Variants in RAVER2 observed in about 807,000 individuals in gnomAD.
RAVER2 encodes the protein ribonucleoprotein PTB-binding 2.
RAVER2 carries 46 observed loss-of-function variants against 78.1 expected under a neutral mutation model. The ratio of observed to expected loss-of-function variants is 0.59; its 90% CI spans 0.46 to 0.75. RAVER2 has a LOEUF of 0.75. Ranked by LOEUF, RAVER2 falls within the 30% of genes least tolerant of loss-of-function variation. RAVER2 has a pLI of 0.00. For missense variants in RAVER2, 793 were observed against 837.5 expected (o/e 0.95, Z 0.66); for synonymous variants, 311 against 313.3 (o/e 0.99, Z 0.08).
chr1:64,829,557 G>A (rs576414148), intron 11 of RAVER2, among the ~76,000 whole-genome samples: 2 of 152,304 alleles, frequency 1.3e-5, no homozygotes, highest in East Asian at 1.9e-4. Flanking sequence ...CCTAAGAGGT[G>A]AGCAAGCTGT....
In RAVER2 at chr1:64,747,960, A is replaced by G. The variant is rs1557578510; in HGVS notation, c.249+2539A>G. Among the ~76,000 whole-genome samples, 5 of 152,234 alleles carry G rather than the reference A, an allele frequency of 3.3e-5. No homozygotes were observed. The South Asian group carries it at 1.0e-3, about 31-fold the overall frequency. Reference sequence around the variant, plus strand: ...AATTTTTTCTTAACATTTGAAATATATGAGTGTTTTCTTTATTAAATGTAG... The same window carrying G: ...AATTTTTTCTTAACATTTGAAATATGTGAGTGTTTTCTTTATTAAATGTAG... On this transcript the variant is annotated intron_variant, in intron 1 of 11. Transcript: ENST00000294428.
chr1:64,776,282 A>G (rs1253290349), intron 2 of RAVER2, among the ~76,000 whole-genome samples: 1 of 152,242 alleles, frequency 6.6e-6, no homozygotes, highest in Non-Finnish European at 1.5e-5. Flanking sequence ...TAGCCTTTTA[A>G]TAAGGGCAGT....
At chr1:64,830,504 C>A (rs1255470061) in intron 11 of RAVER2, among the ~76,000 whole-genome samples, 2 of 152,140 alleles carry the variant, frequency 1.3e-5, no homozygotes, top group African/African-American at 4.8e-5. Flanking sequence ...TACTGACATT[C>A]GGTGTTGATA....
At chr1:64,803,443 T>TA (rs1427893844) in intron 6 of RAVER2, among the ~76,000 whole-genome samples, 4 of 152,300 alleles carry the variant, frequency 2.6e-5, no homozygotes, top group African/African-American at 7.2e-5. Context: ...TAATGACTAT[T>TA]ATAAAAAATA....
chr1:64,777,444 G>A (rs1265963369), intron 2 of RAVER2, among the ~76,000 whole-genome samples, 179 bp from the exon 3 acceptor site: 6 of 151,996 alleles, frequency 3.9e-5, no homozygotes, highest in Admixed American at 2.0e-4. Flanking sequence ...ATTAAAAAAC[G>A]CACTGAAATA....
chr1:64,756,373 A>G (rs2100807584), intron 1 of RAVER2, among the ~76,000 whole-genome samples: 1 of 152,202 alleles, frequency 6.6e-6, no homozygotes, highest in South Asian at 2.1e-4. Context: ...CAGTTTATTC[A>G]TTTATTTATG....
At chr1:64,803,099 T>C in intron 6 of RAVER2, 38 bp downstream of exon 6, 1 of 1,411,946 alleles carries the variant, frequency 7.1e-7, no homozygotes, top group Non-Finnish European at 9.9e-7. Flanking sequence ...CATTAAATAT[T>C]CGGAGTGAAT....
At chr1:64,776,566 C>T (rs894483874) in intron 2 of RAVER2, among the ~76,000 whole-genome samples, 1 of 152,240 alleles carries the variant, frequency 6.6e-6, no homozygotes, top group Admixed American at 6.5e-5. Context: ...TTGCTGTATA[C>T]AACATATTGT....
Position 64,745,987 on chromosome 1 carries a change from A to G in RAVER2, c.249+566A>G, listed in dbSNP as rs1316131601. Among the ~76,000 whole-genome samples the G allele has an allele frequency of 6.6e-6, 1 of 152,188 alleles. No homozygotes were observed. The highest frequency in any genetic ancestry group is 1.5e-5 in the Non-Finnish European group (1 of 68,022). On this transcript the variant is annotated intron_variant, in intron 1 of 11. Coordinates refer to ENST00000294428, the Ensembl canonical transcript of RAVER2. This position sits in a 1 kb window ranked among gnomAD's most constrained non-coding sequence, Gnocchi z 4.3. The stretch of plus-strand genomic sequence containing the variant: ...TTTGCTAAGGCCCCAGAATAGAGTT[A>G]TTGCTGCGCTCCTTGGAGCCTTGCA...
intron 8 of RAVER2, among the ~76,000 whole-genome samples, chr1:64,805,824 TTGAC>T (rs1653403028): frequency 6.6e-6 from 1 of 152,204 alleles, no homozygotes; most frequent in Admixed American, 6.5e-5. Context: ...ACTGTTGAAA[TTGAC>T]TGGACAAAAG....
chr1:64,768,704 G>A, exon 2 of RAVER2: 1 of 1,556,694 alleles, frequency 6.4e-7, no homozygotes, highest in Non-Finnish European at 8.8e-7. Flanking sequence ...TTGTTATGTG[G>A]ACAGAAATAA....
intron 9 of RAVER2, among the ~76,000 whole-genome samples, chr1:64,810,055 A>G (rs1653561861): frequency 6.6e-6 from 1 of 152,172 alleles, no homozygotes; most frequent in Admixed American, 6.5e-5. Context: ...GAACATTGGT[A>G]TCTGAGTCCC....
chr1:64,788,516 A>G lies in RAVER2; in HGVS notation c.979-872A>G, dbSNP rs138579423. ...ACAATAATAAAGAAGATTTTGGGTC[A>G]GTCGCGGTGGCTCACACCTATAATC... On this transcript the variant is annotated intron_variant, in intron 4 of 11. Coordinates refer to ENST00000294428, the Ensembl canonical transcript of RAVER2. Among the ~76,000 whole-genome samples the G allele has an allele frequency of 5.1e-3, 750 of 147,798 alleles. 20 individuals are homozygous for G. The highest frequency in any genetic ancestry group is 0.024 in the East Asian group (117 of 4,836).
chr1:64,828,669 G>A (rs1376571080), intron 11 of RAVER2, among the ~76,000 whole-genome samples: 1 of 150,150 alleles, frequency 6.7e-6, no homozygotes, highest in African/African-American at 2.4e-5. Flanking sequence ...TTTTTTTAAG[G>A]TTTAAATTTT....
chr1:64,770,986 T>TA lies in RAVER2; in HGVS notation c.316+2273dup, dbSNP rs55753212. On this transcript the variant is annotated intron_variant, in intron 2 of 11. Transcript: ENST00000294428. The stretch of plus-strand genomic sequence containing the variant: ...TAGAGTCCCTGGGGGTAGGAATAGT[T>TA]AAAAAAAAATTAAAGAATTAGTAGC... 9.7e-3 allele frequency among the ~76,000 whole-genome samples: 1,462 copies of TA among 151,150 alleles called. 7 individuals carry two copies. The highest frequency in any genetic ancestry group is 0.012 in the Non-Finnish European group (790 of 67,632).
At chr1:64,779,438 G>T (rs1385212621) in intron 3 of RAVER2, among the ~76,000 whole-genome samples, 1 of 151,718 alleles carries the variant, frequency 6.6e-6, no homozygotes, top group East Asian at 1.9e-4. Context: ...CTGGAATCAT[G>T]GCCCACAGTA....
intron 5 of RAVER2, among the ~76,000 whole-genome samples, chr1:64,801,962 T>A (rs549883957): frequency 1.3e-5 from 2 of 152,370 alleles, no homozygotes; most frequent in African/African-American, 2.4e-5. Flanking sequence ...CTTTATTATC[T>A]TGATTATGTG....
chr1:64,778,669 A>G (rs1460992857), intron 3 of RAVER2, among the ~76,000 whole-genome samples: 2 of 151,230 alleles, frequency 1.3e-5, no homozygotes, highest in Non-Finnish European at 2.9e-5. Flanking sequence ...CAAGCACTTT[A>G]TCATAGTAAA....
In RAVER2 at chr1:64,745,472, G is replaced by C; in HGVS notation, c.249+51G>C. ...GCGTCCCGAGGGGCGGCGGGGCGGC[G>C]CTCCGTGTCCAGGCTGGGATCGGGG... On this transcript the variant is annotated intron_variant, in intron 1 of 11. Transcript: ENST00000294428. This position sits in a 1 kb window ranked among gnomAD's most constrained non-coding sequence, Gnocchi z 4.3. The C allele has an allele frequency of 6.8e-7, 1 of 1,472,742 alleles. No homozygotes were observed. Among genetic ancestry groups the C allele is most frequent in the South Asian group, 1.2e-5 (1 of 81,580 alleles). The allele number at this position is 1,472,742 out of a possible 1,614,324, so 91.2% of individuals were successfully genotyped here.
Sources: allele counts gnomAD v4.1 joint callset (sites outside exome capture counted in the v4.1 genomes callset), GRCh38; gene constraint gnomAD v4.1.1; non-coding constraint Gnocchi (gnomAD v3.1); transcripts MANE v1.5; gene names NCBI Gene and HGNC (gene_info 2026-07-23, HGNC 2026-07-21).